The following ECT2 variants were observed in gnomAD, a reference collection of about 807,000 sequenced individuals.
The protein encoded by ECT2 is epithelial cell transforming 2.
Under a neutral mutation model 116.9 loss-of-function variants are expected in ECT2, and 61 were observed. That is an observed-to-expected ratio of 0.52 (90% CI 0.42 to 0.65). ECT2 has a LOEUF of 0.65. Among genes scored for constraint, ECT2 ranks in the 30% least tolerant of loss-of-function variants. ECT2 has a pLI of 0.00. For missense variants in ECT2, 937 were observed against 1,078.7 expected (o/e 0.87, Z 1.84); for synonymous variants, 358 against 346.4 (o/e 1.03, Z -0.37).
intron 21 of ECT2, among the ~76,000 whole-genome samples, chr3:172,806,349 T>C (rs1727703829): frequency 6.6e-6 from 1 of 152,132 alleles, no homozygotes; most frequent in Admixed American, 6.5e-5. Context: ...AGACTTGATA[T>C]GGAGTCATAT....
chr3:172,763,712 T>C (rs544089160), intron 11 of ECT2, among the ~76,000 whole-genome samples: 5 of 152,342 alleles, frequency 3.3e-5, no homozygotes, highest in African/African-American at 1.2e-4. Flanking sequence ...GACAAAGTTA[T>C]GGAAGTAGTC....
chr3:172,820,063 A>G lies in ECT2; in HGVS notation c.2656-85A>G, dbSNP rs539329899. The G allele has an allele frequency of 2.3e-5, 21 of 910,594 alleles. No homozygotes were observed. The East Asian group carries it at 4.9e-4, about 21-fold the overall frequency. The allele number at this position is 910,594 out of a possible 1,614,324, so 56.4% of individuals were successfully genotyped here. On this transcript the variant is annotated intron_variant, in intron 24 of 24. Transcript: ENST00000392692. ...TGTTACAGTAATTTGTAAAATGTAA[A>G]AATAATAGGCATGATACTGAACTGT...
intron 22 of ECT2, 55 bp downstream of exon 22, chr3:172,807,979 C>A: frequency 6.7e-7 from 1 of 1,482,824 alleles, no homozygotes; most frequent in South Asian, 1.3e-5. Context: ...ACAGTGCATT[C>A]AGACTAAACC....
chr3:172,758,318 A>G (rs556588885), intron 5 of ECT2, among the ~76,000 whole-genome samples: 2 of 152,318 alleles, frequency 1.3e-5, no homozygotes, highest in Non-Finnish European at 2.9e-5. Context: ...TAATAAGCAC[A>G]TGTTAACCTT....
chr3:172,783,759 A>T, intron 15 of ECT2, 40 bp from the exon 16 acceptor site: 1 of 1,306,978 alleles, frequency 7.7e-7, no homozygotes, highest in African/African-American at 1.5e-5. Flanking sequence ...AAGGGTGACA[A>T]ATGCATAATA....
At chr3:172,784,327 A>T (rs558543940) in intron 16 of ECT2, among the ~76,000 whole-genome samples, 62 of 152,194 alleles carry the variant, frequency 4.1e-4, no homozygotes, top group African/African-American at 1.4e-3. Context: ...TTCTCAAAAC[A>T]CCTAATGATT....
chr3:172,829,171 AT>A, the ECT2 span: 5 of 487,122 alleles, frequency 1.0e-5, no homozygotes, highest in South Asian at 2.2e-5. Context: ...AGTGGTCTGC[AT>A]TTTTTCAGTC....
chr3:172,763,046 G>C, intron 11 of ECT2, 74 bp downstream of exon 11: 2 of 1,474,034 alleles, frequency 1.4e-6, no homozygotes, highest in Non-Finnish European at 1.9e-6. Context: ...TGTCCAGAAG[G>C]TTTAGAAGCA....
rs186066552 is a variant in ECT2, at chr3:172,798,993, C to T, written c.1908-3623C>T. Among the ~76,000 whole-genome samples, 74 of 152,286 alleles carry T rather than the reference C, an allele frequency of 4.9e-4. 1 individual carries two copies. The East Asian group carries it at 9.5e-3, about 19-fold the overall frequency. ...TAAGACTGTAAGTAAAATATAAAGT[C>T]TGCCTTGGTTTGGTTTCCTAGCCTC... is the stretch of plus-strand genomic sequence containing the variant. On this transcript the variant is annotated intron_variant, in intron 18 of 24. Transcript: ENST00000392692.
chr3:172,794,401 T>A (rs559569871), intron 18 of ECT2, among the ~76,000 whole-genome samples: 2 of 152,330 alleles, frequency 1.3e-5, no homozygotes, highest in African/African-American at 4.8e-5. Context: ...TGAAAATCAG[T>A]TGACCATAAA....
chr3:172,758,942 A>G (rs1435127839), intron 5 of ECT2, 38 bp from the exon 6 acceptor site: 1 of 1,498,296 alleles, frequency 6.7e-7, no homozygotes, highest in Non-Finnish European at 9.2e-7. Flanking sequence ...TTTTCTACTA[A>G]AGAGAAAGCT....
At position 172,782,188 on chromosome 3, in the gene ECT2, A is replaced by C. The variant is rs1044829456; in HGVS notation, c.1574A>C (p.Asn525Thr). Residue 525 changes from asparagine (N) to threonine (T), a missense_variant, in exon 15 of 25, where the codon AAT (asparagine) becomes ACT (threonine). Coordinates refer to ENST00000392692, the MANE Select transcript of ECT2 (RefSeq NM_001258315.2). ...IKDDLEDLIV[N>T]WDESKSIGDI... ...GATGATCTTGAAGACCTTATAGTTA[A>C]TTGGGATGAGAGCAAAAGCATTGGT... The C allele has an allele frequency of 6.3e-7, 1 of 1,583,722 alleles. No homozygotes were observed. Among genetic ancestry groups the C allele is most frequent in the Non-Finnish European group, 8.6e-7 (1 of 1,162,436 alleles).
rs1717134097 is a variant in ECT2, at chr3:172,757,079, C to A, written c.400C>A (p.Gln134Lys). Residue 134 changes from glutamine (Q) to lysine (K), a missense_variant, in exon 5 of 25, where the codon CAG becomes AAG. Physicochemically the swap from Gln to Lys is moderately conservative, Grantham distance 53 (BLOSUM62 1). Transcript: ENST00000392692. ...FENVFVVTDF[Q>K]DSVFNDLYKA... The stretch of plus-strand genomic sequence containing the variant: ...AAATGTATTTGTAGTCACGGACTTT[C>A]AGGATTCTGTCTTTAATGACCTCTA... The A allele has an allele frequency of 6.2e-7, 1 of 1,610,484 alleles. No individual in the cohort carries two copies. The highest frequency in any genetic ancestry group is 8.5e-7 in the Non-Finnish European group (1 of 1,178,726).
chr3:172,756,926 A>C (rs968975966), intron 4 of ECT2, 57 bp from the exon 5 acceptor site: 8 of 1,405,296 alleles, frequency 5.7e-6, no homozygotes, highest in Non-Finnish European at 7.8e-6. Flanking sequence ...TTAGAGAGAC[A>C]GATGGATTAT....
At chr3:172,752,862 C>T (rs985833570) in intron 1 of ECT2, among the ~76,000 whole-genome samples, 2 of 152,172 alleles carry the variant, frequency 1.3e-5, no homozygotes, top group African/African-American at 4.8e-5. Context: ...AGGGCTGAGA[C>T]AGGAAGCTGA....
chr3:172,827,711 A>G, the ECT2 span, among the ~76,000 whole-genome samples: 1 of 152,246 alleles, frequency 6.6e-6, no homozygotes, highest in Non-Finnish European at 1.5e-5. Context: ...TGTATTGTTC[A>G]GCAGCACAAT....
At chr3:172,788,772 C>T (rs1244497938) in intron 18 of ECT2, among the ~76,000 whole-genome samples, 3 of 152,144 alleles carry the variant, frequency 2.0e-5, no homozygotes, top group Non-Finnish European at 4.4e-5. Flanking sequence ...TTAAAAAATG[C>T]TAACAGGCAG....
At chr3:172,825,942 G>A (rs1156915095), downstream of ECT2, among the ~76,000 whole-genome samples, 1 of 152,188 alleles carries the variant, frequency 6.6e-6, no homozygotes, top group African/African-American at 2.4e-5. Flanking sequence ...TGCCCAAGCT[G>A]GAGTGCAATG....
intron 18 of ECT2, among the ~76,000 whole-genome samples, 156 bp from the exon 19 acceptor site, chr3:172,802,460 A>G (rs1293219919): frequency 1.3e-5 from 2 of 152,208 alleles, no homozygotes; most frequent in African/African-American, 2.4e-5. Context: ...TAGGCATGGA[A>G]ACCTTTTTAA....
Sources: gnomAD v4.1 joint callset for allele counts (sites outside exome capture counted in the v4.1 genomes callset) on GRCh38, gnomAD v4.1.1 for gene constraint, MANE v1.5 for transcripts, NCBI Gene and HGNC (gene_info 2026-07-23, HGNC 2026-07-21) for gene names.